SHROOM3: variants seen among roughly 807,000 people sequenced by gnomAD.
SHROOM3 encodes the protein protein Shroom3.
In SHROOM3, 47 loss-of-function variants were observed where a neutral mutation model predicts 138.6. That is an observed-to-expected ratio of 0.34 (90% CI 0.27 to 0.43). SHROOM3 has a LOEUF of 0.43. Among genes scored for constraint, SHROOM3 ranks in the 20% least tolerant of loss-of-function variants. The pLI, the probability that SHROOM3 is intolerant of heterozygous loss-of-function variation, is 1.00. For synonymous variants in SHROOM3, 1,062 were observed against 1,063.3 expected (o/e 1.00, Z 0.02); for missense variants, 2,491 against 2,596.5 (o/e 0.96, Z 0.88).
intron 2 of SHROOM3, among the ~76,000 whole-genome samples, chr4:76,662,923 G>A (rs1577959518): frequency 6.6e-6 from 1 of 151,804 alleles, no homozygotes; most frequent in Non-Finnish European, 1.5e-5. Context: ...GGGAGAGGAA[G>A]GGAGAGGGAG....
At chr4:76,443,508 T>G (rs1314280357) in intron 1 of SHROOM3, among the ~76,000 whole-genome samples, 2 of 152,260 alleles carry the variant, frequency 1.3e-5, no homozygotes, top group Non-Finnish European at 2.9e-5. Flanking sequence ...CTCCCTTTGA[T>G]GTAGTTCCAA....
intron 2 of SHROOM3, among the ~76,000 whole-genome samples, chr4:76,661,572 T>C (rs1487691492): frequency 1.3e-5 from 2 of 152,198 alleles, no homozygotes; most frequent in Non-Finnish European, 2.9e-5. Flanking sequence ...AGTTTCTTTG[T>C]GCCCCTTTCC....
chr4:76,740,609 C>G lies in SHROOM3; in HGVS notation c.2436C>G (p.His812Gln), dbSNP rs1007528664. The G allele has an allele frequency of 6.2e-7, 1 of 1,614,086 alleles. No individual in the cohort carries two copies. The highest frequency in any genetic ancestry group is 1.3e-5 in the African/African-American group (1 of 74,938). ...GTTTTGGCCATAACTATAGGCCCCA[C>G]AGGACCGTCTCAACTTCCAGTACTT... ...GSGFGHNYRPHRTVSTSSTSG... is the reference protein window; with the variant it reads ...GSGFGHNYRPQRTVSTSSTSG... The change falls in exon 5 of 11, where the codon CAC becomes CAG. Residue 812 changes from histidine to glutamine, a missense_variant. By Grantham distance (24) the His-to-Gln change is conservative. Coordinates refer to ENST00000296043, the MANE Select transcript of SHROOM3 (RefSeq NM_020859.4). The surrounding 1 kb of genome is among the most constrained non-coding windows in gnomAD (Gnocchi z 4.0).
At chr4:76,551,914 T>G (rs1035370733) in intron 1 of SHROOM3, among the ~76,000 whole-genome samples, 6 of 151,444 alleles carry the variant, frequency 4.0e-5, no homozygotes, top group Admixed American at 3.3e-4. Context: ...CAGGCTGGAG[T>G]GCAGTGGTGC....
At chr4:76,591,410 G>A (rs1734270814) in intron 2 of SHROOM3, among the ~76,000 whole-genome samples, 1 of 152,166 alleles carries the variant, frequency 6.6e-6, no homozygotes, top group Non-Finnish European at 1.5e-5. Context: ...ATTTTCATGA[G>A]AACTTTTAGA....
chr4:76,477,384 GA>G (rs34597721), intron 1 of SHROOM3, among the ~76,000 whole-genome samples: 11,595 of 152,148 alleles, frequency 0.076, 783 homozygotes, highest in East Asian at 0.26. Context: ...GACCCTCTTA[GA>G]AAACTCAGAC....
At chr4:76,592,133 C>A (rs1203079488) in intron 2 of SHROOM3, among the ~76,000 whole-genome samples, 1 of 152,018 alleles carries the variant, frequency 6.6e-6, no homozygotes, top group Non-Finnish European at 1.5e-5. Flanking sequence ...AAAAAATGAG[C>A]CTTGAAGGTT....
rs868715484 is a variant in SHROOM3 at position 76,741,273 on chromosome 4, G to A, written c.3100G>A (p.Glu1034Lys). ...GATGAACGAGGTGGGGATCGTGGAG[G>A]AGGCCGAACCGGCACCCCTGGGCCC... is the stretch of plus-strand genomic sequence containing the variant. ...EKMNEVGIVEEAEPAPLGPQR... is the reference protein window; with the variant it reads ...EKMNEVGIVEKAEPAPLGPQR... The change falls in exon 5 of 11, where the codon GAG (glutamate) becomes AAG (lysine). Residue 1034 changes from glutamate to lysine, a missense_variant. This residue lies in a region of SHROOM3 where 1,733 missense variants were observed against 1,661.6 expected (regional missense o/e 1.04). Transcript: ENST00000296043. This position sits in a 1 kb window ranked among gnomAD's most constrained non-coding sequence, Gnocchi z 6.2. 6.2e-7 allele frequency: 1 copy of A among 1,612,036 alleles called. No homozygotes were observed. Among genetic ancestry groups the A allele is most frequent in the Non-Finnish European group, 8.5e-7 (1 of 1,179,680 alleles).
Position 76,757,215 on chromosome 4 carries a change from C to T in SHROOM3, c.5198+278C>T, listed in dbSNP as rs968336096. The T allele has an allele frequency of 1.0e-5, 4 of 400,384 alleles. No homozygotes were observed. In the East Asian group the frequency reaches 1.5e-4, roughly 15 times the overall value. 24.8% of individuals were successfully genotyped at this position (400,384 alleles called of 1,614,324 possible). On this transcript the variant is annotated intron_variant, in intron 8 of 10. Coordinates refer to ENST00000296043, the MANE Select transcript of SHROOM3 (RefSeq NM_020859.4). ...CATTGTATTAATTTATTTATATCAA[C>T]ATTATTTAATTTTCACAAGAACTTT...
At chr4:76,551,973 T>C in intron 1 of SHROOM3, among the ~76,000 whole-genome samples, 1 of 149,790 alleles carries the variant, frequency 6.7e-6, no homozygotes. Context: ...GCCATTCTCC[T>C]GCCTCAGCCT....
At chr4:76,603,214 C>G (rs1396604501) in intron 2 of SHROOM3, among the ~76,000 whole-genome samples, 1 of 152,096 alleles carries the variant, frequency 6.6e-6, no homozygotes, top group Non-Finnish European at 1.5e-5. Context: ...GTCAGGAGAT[C>G]GAAACCATCC....
chr4:76,598,535 G>T (rs1734437888), intron 2 of SHROOM3, among the ~76,000 whole-genome samples: 1 of 152,132 alleles, frequency 6.6e-6, no homozygotes. Context: ...CTTAAGTCAG[G>T]GCTGCAGGGC....
At chr4:76,574,444 A>T (rs1249429673) in intron 2 of SHROOM3, among the ~76,000 whole-genome samples, 1 of 152,108 alleles carries the variant, frequency 6.6e-6, no homozygotes, top group African/African-American at 2.4e-5. Flanking sequence ...CTTCCCCATG[A>T]TTCTGATGCA....
In SHROOM3 at chr4:76,741,084, C is replaced by G. The variant is rs1291522038; in HGVS notation, c.2911C>G (p.Pro971Ala). The G allele has an allele frequency of 6.5e-7, 1 of 1,541,146 alleles. No individual in the cohort carries two copies. The highest frequency in any genetic ancestry group is 2.5e-5 in the East Asian group (1 of 40,702). The change falls in exon 5 of 11, where the codon CCC (proline) becomes GCC (alanine). Residue 971 changes from proline to alanine, a missense_variant. Transcript: ENST00000296043. The surrounding 1 kb of genome is among the most constrained non-coding windows in gnomAD (Gnocchi z 6.2). ...CTCGGCCCACGTGGGGCTGCGGAGC[C>G]CCGAGGCGTCGGCCTCCGCCTCCCC... The part of the protein sequence containing the change: ...PSSAHVGLRS[P>A]EASASASPHT...
chr4:76,603,506 A>G (rs564335566), intron 2 of SHROOM3, among the ~76,000 whole-genome samples: 2 of 152,304 alleles, frequency 1.3e-5, no homozygotes, highest in Admixed American at 1.3e-4. Context: ...TTGATTTATG[A>G]TCAAAGCCTC....
chr4:76,666,304 C>T (rs1218516559), intron 2 of SHROOM3, among the ~76,000 whole-genome samples: 1 of 152,174 alleles, frequency 6.6e-6, no homozygotes, highest in Non-Finnish European at 1.5e-5. Context: ...TATTCAGATA[C>T]ATCAGTGGAT....
At chr4:76,668,013 A>C (rs540518990) in intron 2 of SHROOM3, among the ~76,000 whole-genome samples, 17 of 143,666 alleles carry the variant, frequency 1.2e-4, no homozygotes, top group Middle Eastern at 7.1e-3. Flanking sequence ...AGGTGCACGC[A>C]GGGTGCGGGG....
intron 2 of SHROOM3, among the ~76,000 whole-genome samples, chr4:76,568,454 T>G (rs1733772294): frequency 6.6e-6 from 1 of 152,222 alleles, no homozygotes; most frequent in African/African-American, 2.4e-5. Context: ...CTATTCCCTA[T>G]GGAATATGGT....
chr4:76,610,550 G>A (rs1453347085), intron 2 of SHROOM3, among the ~76,000 whole-genome samples: 2 of 152,146 alleles, frequency 1.3e-5, no homozygotes, highest in African/African-American at 2.4e-5. Context: ...GTCTTCCGCT[G>A]TCCACTTTTA....
Sources: gnomAD v4.1 joint callset for allele counts (sites outside exome capture counted in the v4.1 genomes callset) on GRCh38, gnomAD v4.1.1 for gene constraint, gnomAD v4.1.1 regional missense constraint, Gnocchi (gnomAD v3.1) non-coding constraint, MANE v1.5 for transcripts, NCBI Gene and HGNC (gene_info 2026-07-23, HGNC 2026-07-21) for gene names.